GREB1: variants seen among roughly 807,000 people sequenced by gnomAD.
GREB1 encodes growth regulating estrogen receptor binding 1, also known as protein GREB1.
A neutral mutation model predicts 200.7 loss-of-function variants in GREB1; 106 were observed. The ratio of observed to expected loss-of-function variants is 0.53; its 90% CI spans 0.45 to 0.62. The LOEUF (loss-of-function observed/expected upper bound fraction) is 0.62, where lower values mean the gene tolerates loss of function less well. Among genes scored for constraint, GREB1 ranks in the 20% least tolerant of loss-of-function variants. The pLI is 0.00. For missense variants in GREB1, 2,243 were observed against 2,556.8 expected (o/e 0.88, Z 2.65); for synonymous variants, 1,132 against 1,092.4 (o/e 1.04, Z -0.72).
intron 18 of GREB1, 139 bp downstream of exon 18, chr2:11,611,166 C>G: frequency 1.5e-6 from 1 of 681,418 alleles, no homozygotes; most frequent in Non-Finnish European, 2.5e-6. Flanking sequence ...CCTCAGCCTC[C>G]TCTCTGTGCT....
intron 22 of GREB1, among the ~76,000 whole-genome samples, chr2:11,620,021 G>C (rs1009210165): frequency 5.3e-5 from 8 of 152,182 alleles, no homozygotes; most frequent in African/African-American, 1.9e-4. Flanking sequence ...TCTGTCGCCA[G>C]GCTTGAGTGC....
chr2:11,544,505 T>C (rs980117902), intron 1 of GREB1, among the ~76,000 whole-genome samples: 4 of 152,026 alleles, frequency 2.6e-5, no homozygotes, highest in South Asian at 2.1e-4. Context: ...CGTGAGCCAC[T>C]GCGCCCGGCC....
intron 1 of GREB1, among the ~76,000 whole-genome samples, chr2:11,538,073 G>A (rs1007925666): frequency 6.6e-6 from 1 of 152,318 alleles, no homozygotes; most frequent in African/African-American, 2.4e-5. Flanking sequence ...CGTACAGACC[G>A]CGTACAGTGT....
At chr2:11,510,953 A>G (rs1241350760) in intron 1 of GREB1, among the ~76,000 whole-genome samples, 1 of 152,174 alleles carries the variant, frequency 6.6e-6, no homozygotes, top group Non-Finnish European at 1.5e-5. Context: ...GATTACAGGC[A>G]TGAGCCACCA....
chr2:11,535,418 A>G (rs1269891719), intron 1 of GREB1, among the ~76,000 whole-genome samples: 3 of 151,886 alleles, frequency 2.0e-5, no homozygotes, highest in Non-Finnish European at 2.9e-5. Flanking sequence ...TTTTTAATTC[A>G]GTATCTTTTG....
At chr2:11,553,498 AC>A (rs1676133045) in intron 1 of GREB1, among the ~76,000 whole-genome samples, 1 of 151,978 alleles carries the variant, frequency 6.6e-6, no homozygotes, top group African/African-American at 2.4e-5. Context: ...AAACAAACAA[AC>A]AAAAAACCCC....
intron 1 of GREB1, among the ~76,000 whole-genome samples, chr2:11,501,920 T>TTTTTTTTG (rs1673056624): frequency 8.5e-6 from 1 of 118,028 alleles, no homozygotes; most frequent in Non-Finnish European, 1.8e-5. Flanking sequence ...TTTTTTTTTT[T>TTTTTTTTG]TTTTTTTTTT....
chr2:11,598,129 C>G (rs1681435698), intron 14 of GREB1, 151 bp downstream of exon 14: 2 of 719,310 alleles, frequency 2.8e-6, no homozygotes, highest in South Asian at 3.3e-5. Flanking sequence ...TGTTCAGAGA[C>G]AGTGACTTGC....
In GREB1 at chr2:11,592,904, G is replaced by C. The variant is rs371122998; in HGVS notation, c.1474G>C (p.Ala492Pro). Residue 492 changes from alanine to proline, a missense_variant, in exon 11 of 33, where the codon GCC (alanine) becomes CCC (proline). Ala to Pro is a conservative substitution (Grantham distance 27). Around this residue, in one of 3 missense-constraint regions of GREB1, gnomAD observed 1,178 missense variants for 1,387.4 expected, o/e 0.85. Transcript: ENST00000381486. ...PPQPFPPAPS[A>P]AAPVTSAQLP... Reference sequence around the variant, plus strand: ...GCAGCCCTTCCCGCCCGCGCCCAGCGCCGCGGCACCCGTGACCTCCGCGCA... The same window carrying C: ...GCAGCCCTTCCCGCCCGCGCCCAGCCCCGCGGCACCCGTGACCTCCGCGCA... 1.3e-6 allele frequency: 2 copies of C among 1,591,462 alleles called. No individual in the cohort carries two copies. The highest frequency in any genetic ancestry group is 2.7e-5 in the African/African-American group (2 of 74,250).
At chr2:11,594,319 C>T (rs1481324688) in intron 11 of GREB1, among the ~76,000 whole-genome samples, 1 of 150,766 alleles carries the variant, frequency 6.6e-6, no homozygotes, top group Non-Finnish European at 1.5e-5. Context: ...ATTTAATGTA[C>T]TTTTTAAGTA....
At chr2:11,518,238 A>G (rs531208748) in intron 1 of GREB1, among the ~76,000 whole-genome samples, 3 of 152,174 alleles carry the variant, frequency 2.0e-5, no homozygotes, top group African/African-American at 4.8e-5. Context: ...ATGGAGATCC[A>G]TTTGGGTGGA....
chr2:11,605,250 G>C (rs1219589612), intron 17 of GREB1, among the ~76,000 whole-genome samples: 1 of 139,184 alleles, frequency 7.2e-6, no homozygotes, highest in Non-Finnish European at 1.5e-5. Flanking sequence ...TTTTGAGACA[G>C]AGTCTCACTC....
chr2:11,638,233 T>A (rs963612041), intron 31 of GREB1, among the ~76,000 whole-genome samples: 3 of 152,216 alleles, frequency 2.0e-5, no homozygotes. Context: ...CTCTGCCTCC[T>A]GGGTTCAAGT....
chr2:11,627,289 G>A (rs1256615430), intron 25 of GREB1, among the ~76,000 whole-genome samples, 185 bp downstream of exon 25: 3 of 152,150 alleles, frequency 2.0e-5, no homozygotes, highest in Non-Finnish European at 2.9e-5. Context: ...AGAGCACCAC[G>A]GTTCTCCTGG....
At chr2:11,592,345 T>A (rs1276354078) in intron 10 of GREB1, among the ~76,000 whole-genome samples, 2 of 148,186 alleles carry the variant, frequency 1.3e-5, no homozygotes, top group Non-Finnish European at 2.9e-5. Flanking sequence ...TTTTTTTTTT[T>A]TAAAAAGAGG....
intron 1 of GREB1, among the ~76,000 whole-genome samples, chr2:11,517,854 C>T (rs1420008570): frequency 5.9e-5 from 9 of 152,070 alleles, no homozygotes; most frequent in African/African-American, 2.4e-5. Flanking sequence ...GGGGTTTCAC[C>T]GTGTTAGCCA....
chr2:11,625,067 A>C (rs1004918710), intron 23 of GREB1, 87 bp from the exon 24 acceptor site: 5 of 1,068,150 alleles, frequency 4.7e-6, no homozygotes, highest in Non-Finnish European at 7.1e-6. Context: ...ATTTCTCAGA[A>C]CGTATTCTGT....
At position 11,637,872 on chromosome 2, in the gene GREB1, C is replaced by T. The variant is rs900245260; in HGVS notation, c.5503C>T (p.His1835Tyr). 1.9e-6 allele frequency: 3 copies of T among 1,614,100 alleles called. No homozygotes were observed. Among genetic ancestry groups the T allele is most frequent in the African/African-American group, 2.7e-5 (2 of 74,940 alleles). ...FFPLSLKNHD[H>Y]PVLSVDCYLN... ...CCCGCTGTCCCTGAAGAACCATGACCACCCAGTGCTGTCTGTCGACTGTTA... is the reference window on the plus strand; with the variant it reads ...CCCGCTGTCCCTGAAGAACCATGACTACCCAGTGCTGTCTGTCGACTGTTA... Residue 1835 changes from histidine (H) to tyrosine (Y), a missense_variant, in exon 31 of 33, where the codon CAC (histidine) becomes TAC (tyrosine). This residue lies in a region of GREB1 where 478 missense variants were observed against 616.3 expected (regional missense o/e 0.78). Coordinates refer to ENST00000381486, the MANE Select transcript of GREB1 (RefSeq NM_014668.4).
At chr2:11,565,651 A>G (rs948524831) in intron 3 of GREB1, among the ~76,000 whole-genome samples, 1 of 152,172 alleles carries the variant, frequency 6.6e-6, no homozygotes, top group African/African-American at 2.4e-5. Context: ...TTGAATAGGA[A>G]ATGTATTTAC....
Sources: allele counts gnomAD v4.1 joint callset (sites outside exome capture counted in the v4.1 genomes callset), GRCh38; gene constraint gnomAD v4.1.1; regional missense constraint gnomAD v4.1.1; transcripts MANE v1.5; gene names NCBI Gene and HGNC (gene_info 2026-07-23, HGNC 2026-07-21).